Variants in ENPEP observed in about 807,000 individuals in gnomAD.
ENPEP encodes the protein AP-A.
Under a neutral mutation model 114.5 loss-of-function variants are expected in ENPEP, and 103 were observed. The ratio of observed to expected loss-of-function variants is 0.90; its 90% confidence interval spans 0.77 to 1.06. ENPEP has a LOEUF of 1.06. Ranked by LOEUF, ENPEP falls within the 50% of genes least tolerant of loss-of-function variation. The pLI is 0.00. For synonymous variants in ENPEP, 420 were observed against 422.0 expected (o/e 1.00, Z 0.06); for missense variants, 1,196 against 1,161.3 (o/e 1.03, Z -0.43).
chr4:110,510,074 A>C (rs767891646), intron 5 of ENPEP, among the ~76,000 whole-genome samples, 171 bp from the exon 6 acceptor site: 6 of 152,244 alleles, frequency 3.9e-5, no homozygotes, highest in Non-Finnish European at 8.8e-5. Context: ...AAGACAATTT[A>C]ATATCATTTA....
At chr4:110,534,726 C>G (rs1195809790) in intron 11 of ENPEP, among the ~76,000 whole-genome samples, 1 of 151,708 alleles carries the variant, frequency 6.6e-6, no homozygotes, top group Non-Finnish European at 1.5e-5. Context: ...CCAGGCTGGT[C>G]TTGAACTCCA....
chr4:110,516,301 A>G (rs1725765639), intron 8 of ENPEP, among the ~76,000 whole-genome samples: 1 of 151,970 alleles, frequency 6.6e-6, no homozygotes, highest in Non-Finnish European at 1.5e-5. Context: ...TTTCTGTTTC[A>G]TTTTCGTTTT....
At chr4:110,502,754 ATTT>A (rs1229841566) in intron 3 of ENPEP, among the ~76,000 whole-genome samples, 1 of 152,010 alleles carries the variant, frequency 6.6e-6, no homozygotes, top group Non-Finnish European at 1.5e-5. Flanking sequence ...TGGCAATTAT[ATTT>A]TTGGTGCCAT....
At chr4:110,485,020 T>C (rs2110333758) in intron 1 of ENPEP, among the ~76,000 whole-genome samples, 1 of 152,240 alleles carries the variant, frequency 6.6e-6, no homozygotes, top group East Asian at 1.9e-4. Context: ...GGAGTGACTT[T>C]TCCTTTTCCC....
intron 18 of ENPEP, among the ~76,000 whole-genome samples, chr4:110,554,484 G>A (rs1231845037): frequency 1.3e-5 from 2 of 151,766 alleles, no homozygotes; most frequent in Non-Finnish European, 2.9e-5. Context: ...TTCTATTCTT[G>A]TAACTATTGA....
chr4:110,552,628 A>ATTT (rs1727333111), intron 17 of ENPEP, among the ~76,000 whole-genome samples: 1 of 152,170 alleles, frequency 6.6e-6, no homozygotes, highest in Non-Finnish European at 1.5e-5. Context: ...CCCTTGTCAC[A>ATTT]GTGAACAAAA....
Position 110,510,418 on chromosome 4 carries a change from C to T in ENPEP, c.1308+60C>T. The T allele has an allele frequency of 1.5e-6, 2 of 1,371,272 alleles. 1 individual carries two copies. The highest frequency in any genetic ancestry group is 2.4e-5 in the South Asian group (2 of 84,798). 84.9% of individuals were successfully genotyped at this position (1,371,272 alleles called of 1,614,324 possible). On this transcript the variant is annotated intron_variant, in intron 6 of 19. Transcript: ENST00000265162. ...TTTCCTCATGCAAAGCAGATGGAAG[C>T]CTTTGGACTATGATAATGGTCCCGA... is the stretch of plus-strand genomic sequence containing the variant.
Position 110,542,855 on chromosome 4 carries a change from T to G in ENPEP, c.1912T>G (p.Ser638Ala). The G allele has an allele frequency of 6.2e-7, 1 of 1,613,228 alleles. No individual in the cohort carries two copies. ...RVNYEVATWD[S>A]IATALSLNHK... ...AAATTATGAAGTAGCAACTTGGGAC[T>G]CGATAGCTACAGCGCTCTCCTTGAA... Residue 638 changes from serine to alanine, a missense_variant, in exon 12 of 20, where the codon TCG (serine) becomes GCG (alanine). By Grantham distance (99) the Ser-to-Ala change is moderately conservative. Transcript: ENST00000265162.
Position 110,476,514 on chromosome 4 carries a change from G to A in ENPEP, c.100G>A (p.Gly34Arg). ...GGTGGTGGGTGTAGGATTAATAGTGGGACTTGCCGTGGGCTTGACCAGATC... is the reference window on the plus strand; with the variant it reads ...GGTGGTGGGTGTAGGATTAATAGTGAGACTTGCCGTGGGCTTGACCAGATC... ...AVVVGVGLIV[G>R]LAVGLTRSCD... The change falls in exon 1 of 20, where the codon GGA becomes AGA. Residue 34 changes from glycine (G) to arginine (R), a missense_variant. By Grantham distance (125) the Gly-to-Arg change is moderately radical. Transcript: ENST00000265162. 1 of 1,600,018 alleles carries A rather than the reference G, an allele frequency of 6.2e-7. No homozygotes were observed. Among genetic ancestry groups the A allele is most frequent in the Non-Finnish European group, 8.5e-7 (1 of 1,171,298 alleles).
chr4:110,491,201 G>A (rs1184558315), intron 3 of ENPEP, 37 bp downstream of exon 3: 2 of 1,511,742 alleles, frequency 1.3e-6, no homozygotes, highest in Admixed American at 2.3e-5. Flanking sequence ...TACCACCTAT[G>A]CATTTGTAAT....
At chr4:110,523,896 C>A (rs1037534877) in intron 10 of ENPEP, among the ~76,000 whole-genome samples, 11 of 151,994 alleles carry the variant, frequency 7.2e-5, no homozygotes, top group African/African-American at 2.4e-4. Flanking sequence ...TGGAAATGAG[C>A]AAATACTACG....
At chr4:110,511,912 C>T (rs907036072) in intron 6 of ENPEP, among the ~76,000 whole-genome samples, 1 of 152,132 alleles carries the variant, frequency 6.6e-6, no homozygotes, top group Non-Finnish European at 1.5e-5. Flanking sequence ...TATAGGCCCT[C>T]GCCACCACTC....
intron 3 of ENPEP, chr4:110,506,105 G>T (rs1725359455): frequency 6.6e-6 from 1 of 152,244 alleles, no homozygotes; most frequent in Non-Finnish European, 1.5e-5. Flanking sequence ...GAAATAACTA[G>T]ATAGAAAAGC....
Position 110,486,491 on chromosome 4 carries a change from C to T in ENPEP, c.645-2050C>T, listed in dbSNP as rs184509491. 6.6e-5 allele frequency among the ~76,000 whole-genome samples: 10 copies of T among 152,252 alleles called. No individual in the cohort carries two copies. In the South Asian group the frequency reaches 8.3e-4, roughly 13 times the overall value. ...TTTCATCTTAGGGACTTTGCACTTA[C>T]GGTTCCTTCTACTTGAACATGTTTC... On this transcript the variant is annotated intron_variant, in intron 1 of 19. Coordinates refer to ENST00000265162, the MANE Select transcript of ENPEP (RefSeq NM_001977.4).
In ENPEP at chr4:110,520,351, C is replaced by T; in HGVS notation, c.1712C>T (p.Pro571Leu). The change falls in exon 10 of 20, where the codon CCC becomes CTC. Residue 571 changes from proline to leucine, a missense_variant. Coordinates refer to ENST00000265162, the MANE Select transcript of ENPEP (RefSeq NM_001977.4). The stretch of plus-strand genomic sequence containing the variant: ...GACCCAAGAGCTAACCCTTCTCAGC[C>T]CCCTTCAGATCTTGGGTAAGGCTCT... ...LLDPRANPSQ[P>L]PSDLGYTWNI... 1 of 1,613,890 alleles carries T rather than the reference C, an allele frequency of 6.2e-7. No homozygotes were observed. Among genetic ancestry groups the T allele is most frequent in the Non-Finnish European group, 8.5e-7 (1 of 1,179,904 alleles).
intron 4 of ENPEP, among the ~76,000 whole-genome samples, chr4:110,507,046 T>C (rs1725398629): frequency 6.6e-6 from 1 of 152,188 alleles, no homozygotes; most frequent in African/African-American, 2.4e-5. Flanking sequence ...TGGCAGAGCT[T>C]GGTAGTGATG....
Position 110,546,784 on chromosome 4 carries a change from G to T in ENPEP, c.2001-1392G>T, listed in dbSNP as rs77903602. Reference sequence around the variant, plus strand: ...TAAAGGAAGTGAGAAGATGGGGAATGGGAAAAGAATCCAAAGGTGATTTAG... The same window carrying T: ...TAAAGGAAGTGAGAAGATGGGGAATTGGAAAAGAATCCAAAGGTGATTTAG... On this transcript the variant is annotated intron_variant, in intron 13 of 19. Coordinates refer to ENST00000265162, the MANE Select transcript of ENPEP (RefSeq NM_001977.4). Among the ~76,000 whole-genome samples, 23 of 152,134 alleles carry T rather than the reference G, an allele frequency of 1.5e-4. No homozygotes were observed. The East Asian group carries it at 4.5e-3, about 29-fold the overall frequency.
At chr4:110,525,195 C>G (rs749076480) in intron 10 of ENPEP, among the ~76,000 whole-genome samples, 4 of 152,162 alleles carry the variant, frequency 2.6e-5, no homozygotes, top group East Asian at 3.9e-4. Context: ...ATAACTAAAT[C>G]GTTATTTTTG....
At chr4:110,524,727 G>T (rs980290419) in intron 10 of ENPEP, among the ~76,000 whole-genome samples, 1 of 152,086 alleles carries the variant, frequency 6.6e-6, no homozygotes, top group Non-Finnish European at 1.5e-5. Context: ...ATTCCAGTAT[G>T]TCATTTTCTC....
Sources: gnomAD v4.1 joint callset for allele counts (sites outside exome capture counted in the v4.1 genomes callset) on GRCh38, gnomAD v4.1.1 for gene constraint, MANE v1.5 for transcripts, NCBI Gene and HGNC (gene_info 2026-07-23, HGNC 2026-07-21) for gene names.